Variants in PCDHA2 observed in about 807,000 individuals in gnomAD.
PCDHA2 encodes protocadherin alpha-2.
Under a neutral mutation model 66.0 loss-of-function variants are expected in PCDHA2, and 58 were observed. The ratio of observed to expected loss-of-function variants is 0.88; its 90% confidence interval spans 0.71 to 1.09. The LOEUF (loss-of-function observed/expected upper bound fraction) is 1.09, where lower values mean the gene tolerates loss of function less well. Ranked by LOEUF, PCDHA2 falls within the 50% of genes least tolerant of loss-of-function variation. The pLI is 0.00. For synonymous variants in PCDHA2, 634 were observed against 554.0 expected, an observed-to-expected ratio of 1.14 and a Z score of -2.03; for missense variants, 1,267 against 1,242.3, an observed-to-expected ratio of 1.02 and a Z score of -0.30.
chr5:140,824,077 C>T, intron 1 of PCDHA2: 1 of 1,614,210 alleles, frequency 6.2e-7, no homozygotes, highest in South Asian at 1.1e-5. Flanking sequence ...CAAAACAGAC[C>T]TCATGGCCTT....
intron 1 of PCDHA2, chr5:140,966,557 G>T: frequency 2.1e-6 from 1 of 477,538 alleles, no homozygotes; most frequent in Non-Finnish European, 3.5e-6. Context: ...GAGCGGAGGA[G>T]CTGGAATATG....
rs2150464211 is a variant in PCDHA2 at position 140,850,028 on chromosome 5, C to T, written c.2388+52676C>T. 1.0e-5 allele frequency: 16 copies of T among 1,596,676 alleles called. 1 individual carries two copies. Among genetic ancestry groups the T allele is most frequent in the East Asian group, 2.2e-5 (1 of 44,848 alleles). On this transcript the variant is annotated intron_variant, in intron 1 of 3. Coordinates refer to ENST00000526136, the MANE Select transcript of PCDHA2 (RefSeq NM_018905.3). The stretch of plus-strand genomic sequence containing the variant: ...CGCTGTCGAGCTACGTGTCAGTGCA[C>T]GCGGAGAGCGGCAAGGTGTACGCGC...
Position 140,858,578 on chromosome 5 carries a change from A to T in PCDHA2, c.2388+61226A>T. On this transcript the variant is annotated intron_variant, in intron 1 of 3. Coordinates refer to ENST00000526136, the MANE Select transcript of PCDHA2 (RefSeq NM_018905.3). ...GAATATTTCTAGTGATACCTTTGTA[A>T]TATAATTTATTCCAGGAGTTTTAAA... 3 of 1,350,438 alleles carry T rather than the reference A, an allele frequency of 2.2e-6. No homozygotes were observed. The South Asian group carries it at 4.1e-5, about 18-fold the overall frequency. 83.7% of individuals were successfully genotyped at this position (1,350,438 alleles called of 1,614,324 possible). A position where few individuals can be genotyped will look rare whatever the true frequency, so the allele number is the denominator to read the frequency against.
chr5:140,907,790 A>G (rs2073612747), intron 1 of PCDHA2, among the ~76,000 whole-genome samples: 1 of 152,178 alleles, frequency 6.6e-6, no homozygotes, highest in African/African-American at 2.4e-5. Context: ...CTGGGGAAAG[A>G]GGCTAAGTGG....
intron 1 of PCDHA2, chr5:140,856,843 T>G: frequency 6.3e-7 from 1 of 1,593,286 alleles, no homozygotes; most frequent in South Asian, 1.1e-5. Context: ...GGCTCAACGC[T>G]TCTGATTCGG....
chr5:140,915,222 C>T (rs2153533644), intron 1 of PCDHA2, among the ~76,000 whole-genome samples: 1 of 152,292 alleles, frequency 6.6e-6, no homozygotes, highest in South Asian at 2.1e-4. Context: ...GCTGGGATTA[C>T]AGGCATGAGC....
chr5:140,871,582 GT>G, intron 1 of PCDHA2: 2 of 1,468,826 alleles, frequency 1.4e-6, no homozygotes, highest in Non-Finnish European at 1.8e-6. Flanking sequence ...TTAAGGGAAA[GT>G]TTTATGAATA....
At chr5:140,830,118 C>T (rs2150181402) in intron 1 of PCDHA2, 27 of 1,613,530 alleles carry the variant, frequency 1.7e-5, no homozygotes, top group East Asian at 1.3e-4. Context: ...GGCCAGGCTC[C>T]AAAGGCGTCA....
At chr5:140,869,892 A>G in intron 1 of PCDHA2, 1 of 1,610,608 alleles carries the variant, frequency 6.2e-7, no homozygotes, top group Non-Finnish European at 8.5e-7. Context: ...TTGTGCTCAA[A>G]CTAAACGCCA....
At chr5:140,824,220 G>A (rs1768050365) in intron 1 of PCDHA2, 7 of 1,561,856 alleles carry the variant, frequency 4.5e-6, no homozygotes, top group Non-Finnish European at 5.3e-6. Context: ...TAAAAATTAT[G>A]TCTTAGTACA....
At chr5:140,876,740 T>G (rs782650836) in intron 1 of PCDHA2, 2 of 1,614,236 alleles carry the variant, frequency 1.2e-6, no homozygotes, top group East Asian at 4.5e-5. Context: ...GCCTATGAGC[T>G]GGTGGTGACT....
chr5:140,932,710 C>T (rs2088563538), intron 1 of PCDHA2, among the ~76,000 whole-genome samples: 1 of 151,522 alleles, frequency 6.6e-6, no homozygotes, highest in African/African-American at 2.4e-5. Context: ...ATAGACAACA[C>T]AATAATATTG....
chr5:140,804,534 T>A (rs1162038331), intron 1 of PCDHA2: 1 of 152,174 alleles, frequency 6.6e-6, no homozygotes, highest in Non-Finnish European at 1.5e-5. Context: ...AAACTTTTTA[T>A]TCATTAGTGT....
chr5:140,885,611 A>G (rs1422835119), intron 1 of PCDHA2, among the ~76,000 whole-genome samples: 5 of 152,216 alleles, frequency 3.3e-5, no homozygotes, highest in Non-Finnish European at 4.4e-5. Flanking sequence ...AATTTTAATT[A>G]TAAAATATGT....
intron 1 of PCDHA2, chr5:140,809,261 G>A: frequency 1.2e-6 from 2 of 1,614,110 alleles, no homozygotes; most frequent in South Asian, 1.1e-5. Flanking sequence ...TCCCGATGCT[G>A]CGCTGGTGGA....
chr5:140,850,415 G>T, intron 1 of PCDHA2: 1 of 1,597,962 alleles, frequency 6.3e-7, no homozygotes, highest in Non-Finnish European at 8.6e-7. Context: ...TGGACGAAAC[G>T]GACGCACCGC....
Position 140,803,235 on chromosome 5 carries a change from T to C in PCDHA2, c.2388+5883T>C, listed in dbSNP as rs782475199. ...GAGTGGCCAGGCACCCAAGGCCTCG[T>C]CCCAGGCGTCCGCTGGCGCCACGGG... On this transcript the variant is annotated intron_variant, in intron 1 of 3. Coordinates refer to ENST00000526136, the MANE Select transcript of PCDHA2 (RefSeq NM_018905.3). 4 of 1,613,652 alleles carry C rather than the reference T, an allele frequency of 2.5e-6. No individual in the cohort carries two copies. The African/African-American group carries it at 5.3e-5, about 22-fold the overall frequency.
rs1031755500 is a variant in PCDHA2 at position 140,856,096 on chromosome 5, G to T, written c.2388+58744G>T. ...TGGGGGTCCAGTGTCTGCTGCTCTC[G>T]CTTCTTCTCCTCGCAGCCTGGGAGG... On this transcript the variant is annotated intron_variant, in intron 1 of 3. Transcript: ENST00000526136. 7 of 1,597,458 alleles carry T rather than the reference G, an allele frequency of 4.4e-6. 1 individual carries two copies. The highest frequency in any genetic ancestry group is 6.0e-6 in the Non-Finnish European group (7 of 1,167,222).
intron 3 of PCDHA2, among the ~76,000 whole-genome samples, chr5:141,004,757 A>T (rs964370551): frequency 3.9e-5 from 6 of 152,164 alleles, no homozygotes; most frequent in African/African-American, 1.4e-4. Flanking sequence ...TCTCTTAGAG[A>T]CAGGACCTGT....
Sources: gnomAD v4.1 joint callset for allele counts (sites outside exome capture counted in the v4.1 genomes callset) on GRCh38, gnomAD v4.1.1 for gene constraint, MANE v1.5 for transcripts, NCBI Gene and HGNC (gene_info 2026-07-23, HGNC 2026-07-21) for gene names.